Variants in SPAG16 observed in about 807,000 individuals in gnomAD.
SPAG16 encodes the protein sperm-associated antigen 16 protein.
Under a neutral mutation model 80.4 loss-of-function variants are expected in SPAG16, and 86 were observed. The ratio of observed to expected loss-of-function variants is 1.07; its 90% confidence interval spans 0.90 to 1.28. The LOEUF is 1.28. SPAG16 is among the 50% of genes most tolerant of loss of function. The pLI is 0.00. For synonymous variants in SPAG16, 294 were observed against 265.9 expected, an observed-to-expected ratio of 1.11 and a Z score of -1.03; for missense variants, 870 against 765.3, an observed-to-expected ratio of 1.14 and a Z score of -1.61.
At chr2:214,381,075 C>T (rs1700421240) in intron 15 of SPAG16, among the ~76,000 whole-genome samples, 1 of 151,932 alleles carries the variant, frequency 6.6e-6, no homozygotes. Context: ...TTTTTTTCCC[C>T]AGGAAAGTTG....
At chr2:213,285,849 T>C in intron 1 of SPAG16, 4 of 1,274,494 alleles carry the variant, frequency 3.1e-6, no homozygotes, top group South Asian at 1.2e-5. Context: ...TCCAGTGATA[T>C]TCCTCTTTAA....
chr2:213,822,830 C>T lies in SPAG16; in HGVS notation c.1071-39655C>T, dbSNP rs531160995. Reference sequence around the variant, plus strand: ...TTATGAGTGAGAATATGCAGTGTTTCGTTTTCTGTTCCTGTGTTAGTTTGC... The same window carrying T: ...TTATGAGTGAGAATATGCAGTGTTTTGTTTTCTGTTCCTGTGTTAGTTTGC... On this transcript the variant is annotated intron_variant, in intron 10 of 15. Transcript: ENST00000331683. Among the ~76,000 whole-genome samples the T allele has an allele frequency of 8.3e-4, 126 of 152,134 alleles. 1 individual carries two copies. Among genetic ancestry groups the T allele is most frequent in the South Asian group, 5.2e-3 (25 of 4,820 alleles).
At chr2:214,127,531 CA>C (rs2054550935) in intron 14 of SPAG16, among the ~76,000 whole-genome samples, 1 of 151,810 alleles carries the variant, frequency 6.6e-6, no homozygotes, top group Admixed American at 6.7e-5. Flanking sequence ...AAGGAAAACA[CA>C]ATATTTATTT....
intron 10 of SPAG16, among the ~76,000 whole-genome samples, chr2:213,692,742 G>A (rs1321226028): frequency 6.6e-6 from 1 of 151,564 alleles, no homozygotes; most frequent in East Asian, 1.9e-4. Context: ...CCCGGGAGGC[G>A]GAGCTTGCAG....
At chr2:214,141,607 A>G (rs941859047) in intron 14 of SPAG16, among the ~76,000 whole-genome samples, 3 of 152,208 alleles carry the variant, frequency 2.0e-5, no homozygotes, top group African/African-American at 7.2e-5. Context: ...AAGATATTTA[A>G]ACATTTGTAT....
chr2:214,338,788 A>G (rs1487124993), intron 15 of SPAG16, among the ~76,000 whole-genome samples: 1 of 152,208 alleles, frequency 6.6e-6, no homozygotes, highest in East Asian at 1.9e-4. Context: ...AATCCTAACT[A>G]TTTATGATTC....
chr2:213,897,929 G>A (rs537151279), intron 11 of SPAG16, among the ~76,000 whole-genome samples: 34 of 152,228 alleles, frequency 2.2e-4, no homozygotes, highest in African/African-American at 7.7e-4. Context: ...TACTTCTTTT[G>A]TAAAATTTCT....
At chr2:214,041,976 GTGTATATATATA>G (rs1559725751) in intron 13 of SPAG16, among the ~76,000 whole-genome samples, 30 of 88,254 alleles carry the variant, frequency 3.4e-4, no homozygotes, top group Middle Eastern at 4.9e-3. Context: ...GTGTCTGTGT[GTGTATATATATA>G]TATATATATA....
intron 11 of SPAG16, among the ~76,000 whole-genome samples, chr2:213,905,231 G>A (rs1485519649): frequency 1.3e-5 from 2 of 152,098 alleles, no homozygotes; most frequent in African/African-American, 4.8e-5. Flanking sequence ...ATTCATTTAT[G>A]TCATGCATCT....
intron 10 of SPAG16, among the ~76,000 whole-genome samples, chr2:213,640,992 T>C (rs1370705164): frequency 6.6e-6 from 1 of 152,178 alleles, no homozygotes; most frequent in Non-Finnish European, 1.5e-5. Context: ...GATAGGGCTA[T>C]AGAGCTTCCA....
At chr2:214,129,966 A>T (rs554773465) in intron 14 of SPAG16, among the ~76,000 whole-genome samples, 1 of 152,168 alleles carries the variant, frequency 6.6e-6, no homozygotes, top group African/African-American at 2.4e-5. Context: ...AGAGGAGAAA[A>T]GAAGAGCTTT....
rs542593504 is a variant in SPAG16, at chr2:213,639,375, A to G, written c.1070+149285A>G. Among the ~76,000 whole-genome samples the G allele has an allele frequency of 4.6e-5, 7 of 152,194 alleles. 1 individual carries two copies. Among genetic ancestry groups the G allele is most frequent in the African/African-American group, 1.7e-4 (7 of 41,540 alleles). The stretch of plus-strand genomic sequence containing the variant: ...TGCTTTAAAGAGATTCTATTTTGGT[A>G]TATTTTGAGGATTTGTTTCAAGATT... On this transcript the variant is annotated intron_variant, in intron 10 of 15. Coordinates refer to ENST00000331683, the MANE Select transcript of SPAG16 (RefSeq NM_024532.5).
intron 12 of SPAG16, among the ~76,000 whole-genome samples, chr2:214,006,007 T>A (rs746881051): frequency 6.6e-5 from 10 of 152,188 alleles, no homozygotes; most frequent in Non-Finnish European, 1.2e-4. Flanking sequence ...GATTTTATCA[T>A]TTTATTTTGG....
At chr2:213,983,535 G>A (rs1014434049) in intron 12 of SPAG16, among the ~76,000 whole-genome samples, 2 of 151,828 alleles carry the variant, frequency 1.3e-5, no homozygotes, top group Non-Finnish European at 2.9e-5. Flanking sequence ...GTATAATTCA[G>A]ACTAAAATTT....
intron 15 of SPAG16, among the ~76,000 whole-genome samples, chr2:214,298,247 T>A (rs774849267): frequency 3.9e-5 from 6 of 151,940 alleles, no homozygotes; most frequent in Non-Finnish European, 5.9e-5. Flanking sequence ...TGAATGTTAT[T>A]GTTGTATAGA....
At chr2:213,670,085 C>G (rs901379206) in intron 10 of SPAG16, among the ~76,000 whole-genome samples, 1 of 151,828 alleles carries the variant, frequency 6.6e-6, no homozygotes, top group Non-Finnish European at 1.5e-5. Context: ...GCAAACTCTG[C>G]CTCCGGGGTT....
chr2:214,304,309 C>T (rs1199028325), intron 15 of SPAG16, among the ~76,000 whole-genome samples: 1 of 152,200 alleles, frequency 6.6e-6, no homozygotes, highest in Non-Finnish European at 1.5e-5. Context: ...ATAACACCCA[C>T]ACTGGAAGGT....
chr2:213,759,902 G>A (rs1033346209), intron 10 of SPAG16, among the ~76,000 whole-genome samples: 2 of 152,034 alleles, frequency 1.3e-5, no homozygotes, highest in Non-Finnish European at 1.5e-5. Flanking sequence ...AGGTGTGGTG[G>A]CACATGCCTA....
In SPAG16 at chr2:213,329,548, A is replaced by G. The variant is rs370015537; in HGVS notation, c.537-10615A>G. 1.6e-4 allele frequency among the ~76,000 whole-genome samples: 25 copies of G among 152,336 alleles called. No individual in the cohort carries two copies. The South Asian group carries it at 4.3e-3, about 26-fold the overall frequency. ...TGGTGGAAGAAATTGCTAAGCATCA[A>G]AGCGTTCAAGAGGTGACTTGGGTGC... On this transcript the variant is annotated intron_variant, in intron 5 of 15. Transcript: ENST00000331683.
Sources: gnomAD v4.1 joint callset for allele counts (sites outside exome capture counted in the v4.1 genomes callset) on GRCh38, gnomAD v4.1.1 for gene constraint, MANE v1.5 for transcripts, NCBI Gene and HGNC (gene_info 2026-07-23, HGNC 2026-07-21) for gene names.